The following NOC4L variants were observed in gnomAD, a reference collection of about 807,000 sequenced individuals.
NOC4L encodes the protein nucleolar complex protein 4 homolog.
A neutral mutation model predicts 62.8 loss-of-function variants in NOC4L; 40 were observed. That is an observed-to-expected ratio of 0.64 (90% confidence interval 0.49 to 0.83). The LOEUF is 0.83. NOC4L is among the 40% of genes least tolerant of loss of function. The pLI, the probability that NOC4L is intolerant of heterozygous loss-of-function variation, is 0.00. For missense variants in NOC4L, 927 were observed against 701.9 expected, an observed-to-expected ratio of 1.32 and a Z score of -3.62; for synonymous variants, 433 against 299.8, an observed-to-expected ratio of 1.44 and a Z score of -4.59.
chr12:132,146,223 GGGTTT>G, intron 3 of NOC4L: 1 of 455,756 alleles, frequency 2.2e-6, no homozygotes, highest in Non-Finnish European at 4.4e-6. Context: ...CTGGATCAAT[GGGTTT>G]GCTTTTTTTA....
At chr12:132,148,502 G>C (rs1897810702) in intron 7 of NOC4L, 107 bp from the exon 8 acceptor site, 2 of 1,231,728 alleles carry the variant, frequency 1.6e-6, no homozygotes, top group South Asian at 1.3e-5. Flanking sequence ...GAAAAGTGGA[G>C]AGCAGGCTTG....
At chr12:132,145,727 A>G in intron 3 of NOC4L, 62 bp downstream of exon 3, 1 of 1,217,168 alleles carries the variant, frequency 8.2e-7, no homozygotes, top group Non-Finnish European at 1.2e-6. Context: ...CAGGTTATCC[A>G]CAAAGCAGAG....
At position 132,144,969 on chromosome 12, in the gene NOC4L, T is replaced by G; in HGVS notation, c.233T>G (p.Met78Arg). 1 of 1,598,376 alleles carries G rather than the reference T, an allele frequency of 6.3e-7. No individual in the cohort carries two copies. Among genetic ancestry groups the G allele is most frequent in the Non-Finnish European group, 8.5e-7 (1 of 1,173,392 alleles). ...CAGCTGCCCTCTGAGGAGATGGTCA[T>G]GACAGGTGAGCCCTGGAGGGCCCCG... ...VGQLPSEEMV[M>R]TGSQGATRKY... The change falls in exon 2 of 15, where the codon ATG becomes AGG. Residue 78 changes from methionine to arginine, a missense_variant. Physicochemically the swap from Met to Arg is moderately conservative, Grantham distance 91. Transcript: ENST00000330579.
rs1897782375 is a variant in NOC4L at position 132,147,839 on chromosome 12, A to G, written c.604-41A>G. ...GCTGTTGCCTCCCAGGGAGGCAGGG[A>G]CTGGGGGGCGGCGTCCAGGCACTCA... On this transcript the variant is annotated intron_variant, in intron 5 of 14. Coordinates refer to ENST00000330579, the MANE Select transcript of NOC4L (RefSeq NM_024078.3). The G allele has an allele frequency of 5.0e-6, 8 of 1,610,006 alleles. No homozygotes were observed. In the South Asian group the frequency reaches 8.8e-5, roughly 18 times the overall value.
intron 7 of NOC4L, among the ~76,000 whole-genome samples, chr12:132,148,393 G>A (rs1337101088): frequency 6.6e-6 from 1 of 152,226 alleles, no homozygotes; most frequent in Non-Finnish European, 1.5e-5. Flanking sequence ...CTTGGCCATG[G>A]TCTTGCCAAA....
In NOC4L at chr12:132,151,476, C is replaced by G; in HGVS notation, c.1074-8C>G. On this transcript the variant is annotated splice_region_variant and splice_polypyrimidine_tract_variant and intron_variant, in intron 11 of 14. Coordinates refer to ENST00000330579, the MANE Select transcript of NOC4L (RefSeq NM_024078.3). The stretch of plus-strand genomic sequence containing the variant: ...CGGGCCCTGTCTCACAACCACTGCC[C>G]TGCCCAGCCACCTCCCCGCCTACCT... 1.2e-6 allele frequency: 2 copies of G among 1,600,866 alleles called. No homozygotes were observed. Among genetic ancestry groups the G allele is most frequent in the Non-Finnish European group, 1.7e-6 (2 of 1,179,018 alleles).
rs1473363549 is a variant in NOC4L, at chr12:132,151,884, A to G, written c.1317+64A>G. On this transcript the variant is annotated intron_variant, in intron 13 of 14. Coordinates refer to ENST00000330579, the MANE Select transcript of NOC4L (RefSeq NM_024078.3). ...CATCCTTCGGCCCCTCAGAAAGCCCAGCTCCCCGTGCCACCTCCCGCATAG... is the reference window on the plus strand; with the variant it reads ...CATCCTTCGGCCCCTCAGAAAGCCCGGCTCCCCGTGCCACCTCCCGCATAG... 10 of 1,511,870 alleles carry G rather than the reference A, an allele frequency of 6.6e-6. No homozygotes were observed. In the East Asian group the frequency reaches 1.6e-4, roughly 25 times the overall value. 93.7% of individuals were successfully genotyped at this position (1,511,870 alleles called of 1,614,324 possible).
At chr12:132,152,021 C>T (rs1262482725) in intron 13 of NOC4L, 63 bp from the exon 14 acceptor site, 3 of 1,479,978 alleles carry the variant, frequency 2.0e-6, no homozygotes, top group African/African-American at 2.8e-5. Flanking sequence ...ACAGGGAGGC[C>T]ATGGCTGGGG....
Position 132,144,593 on chromosome 12 carries a change from G to C in NOC4L, c.105G>C (p.Leu35=). 6.6e-7 allele frequency: 1 copy of C among 1,521,352 alleles called. No individual in the cohort carries two copies. Among genetic ancestry groups the C allele is most frequent in the East Asian group, 2.5e-5 (1 of 39,716 alleles). 94.2% of individuals were successfully genotyped at this position (1,521,352 alleles called of 1,614,324 possible). ...AGGCCAACGCCGTGTTCGACATCCT[G>C]GCCGTGCTGCAGGTGGGCCTGGCGG... is the stretch of plus-strand genomic sequence containing the variant. ...RSEANAVFDI[L]AVLQSEDQEE... The change falls in exon 1 of 15, where the codon CTG becomes CTC. Residue 35 remains leucine (L), a synonymous_variant. Coordinates refer to ENST00000330579, the MANE Select transcript of NOC4L (RefSeq NM_024078.3).
Position 132,151,032 on chromosome 12 carries a change from A to G in NOC4L, c.953A>G (p.Lys318Arg), listed in dbSNP as rs1164703824. The G allele has an allele frequency of 1.2e-6, 2 of 1,610,880 alleles. No individual in the cohort carries two copies. The highest frequency in any genetic ancestry group is 1.1e-5 in the South Asian group (1 of 90,824). ...ALNGLFILIH[K>R]HNLEYPDFYR... Reference sequence around the variant, plus strand: ...AACGGGCTGTTCATCTTGATTCACAAACACAACCTGTGAGTGTCACCAGGG... The same window carrying G: ...AACGGGCTGTTCATCTTGATTCACAGACACAACCTGTGAGTGTCACCAGGG... The change falls in exon 10 of 15, where the codon AAA becomes AGA. Residue 318 changes from lysine (K) to arginine (R), a missense_variant. Transcript: ENST00000330579.
rs758584361 is a variant in NOC4L at position 132,151,213 on chromosome 12, T to TC, written c.963-42dup. 28 of 1,544,638 alleles carry TC rather than the reference T, an allele frequency of 1.8e-5. No homozygotes were observed. The African/African-American group carries it at 3.8e-4, about 21-fold the overall frequency. On this transcript the variant is annotated intron_variant, in intron 10 of 14. Transcript: ENST00000330579. ...AGACCCTGGCCTTGGAGGCCTCAGT[T>TC]CCCGGGCCCTGCTCCATCCGCTGCT...
chr12:132,147,436 A>G, intron 4 of NOC4L, 48 bp downstream of exon 4: 1 of 1,518,996 alleles, frequency 6.6e-7, no homozygotes, highest in Non-Finnish European at 8.9e-7. Context: ...GGCTGGCCAG[A>G]TCCCAGGATG....
At chr12:132,148,179 G>A (rs929743744) in intron 7 of NOC4L, 73 bp downstream of exon 7, 9 of 1,471,268 alleles carry the variant, frequency 6.1e-6, no homozygotes, top group Admixed American at 1.8e-5. Flanking sequence ...GAGACCCCAT[G>A]GAGGCTGCCG....
At chr12:132,152,016 G>A (rs1873004284) in intron 13 of NOC4L, 68 bp from the exon 14 acceptor site, 1 of 1,452,498 alleles carries the variant, frequency 6.9e-7, no homozygotes, top group Non-Finnish European at 9.4e-7. Context: ...GGAGCACAGG[G>A]AGGCCATGGC....
chr12:132,151,563 C>T lies in NOC4L; in HGVS notation c.1153C>T (p.Leu385Phe), dbSNP rs374828255. 49 of 1,610,472 alleles carry T rather than the reference C, an allele frequency of 3.0e-5. No homozygotes were observed. The highest frequency in any genetic ancestry group is 3.8e-5 in the Non-Finnish European group (45 of 1,179,338). The change falls in exon 12 of 15, where the codon CTC becomes TTC. Residue 385 changes from leucine (L) to phenylalanine (F), a missense_variant. By Grantham distance (22) the Leu-to-Phe change is conservative (BLOSUM62 0). Transcript: ENST00000330579. Reference protein sequence around the residue: ...LALTAPPEALLMVLPFICNLL... With the variant: ...LALTAPPEALFMVLPFICNLL... The stretch of plus-strand genomic sequence containing the variant: ...CCTGACGGCTCCCCCTGAGGCCCTG[C>T]TCATGGTCCTGCCTTTCATCTGTAA...
chr12:132,151,241 T>C lies in NOC4L; in HGVS notation c.963-17T>C, dbSNP rs1241847132. The C allele has an allele frequency of 6.2e-7, 1 of 1,602,366 alleles. No individual in the cohort carries two copies. Among genetic ancestry groups the C allele is most frequent in the Non-Finnish European group, 8.5e-7 (1 of 1,172,094 alleles). On this transcript the variant is annotated splice_polypyrimidine_tract_variant and intron_variant, in intron 10 of 14. Transcript: ENST00000330579. ...CGGGCCCTGCTCCATCCGCTGCTCCTTCCCCCCGGCCCGCAGGGAGTACCC... is the reference window on the plus strand; with the variant it reads ...CGGGCCCTGCTCCATCCGCTGCTCCCTCCCCCCGGCCCGCAGGGAGTACCC...
intron 2 of NOC4L, among the ~76,000 whole-genome samples, 190 bp downstream of exon 2, chr12:132,145,164 G>A (rs1425697719): frequency 6.6e-6 from 1 of 152,236 alleles, no homozygotes; most frequent in Non-Finnish European, 1.5e-5. Flanking sequence ...GCAGCTGAGT[G>A]TAGATGAACA....
At chr12:132,145,953 C>T (rs1369845503) in intron 3 of NOC4L, among the ~76,000 whole-genome samples, 1 of 152,216 alleles carries the variant, frequency 6.6e-6, no homozygotes, top group Non-Finnish European at 1.5e-5. Context: ...GATGTGTTTG[C>T]TCAGATCACA....
At position 132,152,407 on chromosome 12, in the gene NOC4L, G is replaced by T. The variant is rs1195260776; in HGVS notation, c.*6G>T. Reference sequence around the variant, plus strand: ...AGCACTTCACGCTCAGCTGACCCTGGCCCACCTGTGAATAAATCTCAGCTG... The same window carrying T: ...AGCACTTCACGCTCAGCTGACCCTGTCCCACCTGTGAATAAATCTCAGCTG... On this transcript the variant is annotated 3_prime_UTR_variant, in exon 15 of 15. Coordinates refer to ENST00000330579, the MANE Select transcript of NOC4L (RefSeq NM_024078.3). 19 of 1,571,332 alleles carry T rather than the reference G, an allele frequency of 1.2e-5. No individual in the cohort carries two copies. The highest frequency in any genetic ancestry group is 1.6e-5 in the Non-Finnish European group (19 of 1,155,806).
Sources: allele counts gnomAD v4.1 joint callset (sites outside exome capture counted in the v4.1 genomes callset), GRCh38; gene constraint gnomAD v4.1.1; transcripts MANE v1.5; gene names NCBI Gene and HGNC (gene_info 2026-07-23, HGNC 2026-07-21).